The following NBEA variants were observed in gnomAD, a reference collection of about 807,000 sequenced individuals.
NBEA encodes neurobeachin.
A neutral mutation model predicts 343.4 loss-of-function variants in NBEA; 44 were observed. That is an observed-to-expected ratio of 0.13 (90% CI 0.10 to 0.16). The LOEUF (loss-of-function observed/expected upper bound fraction) is 0.16, where lower values mean the gene tolerates loss of function less well. Ranked by LOEUF, NBEA falls within the 10% of genes least tolerant of loss-of-function variation. The pLI, the probability that NBEA is intolerant of heterozygous loss-of-function variation, is 1.00. For synonymous variants in NBEA, 1,175 were observed against 1,238.7 expected, an observed-to-expected ratio of 0.95 and a Z score of 1.08; for missense variants, 2,555 against 3,631.3, an observed-to-expected ratio of 0.70 and a Z score of 7.62.
At chr13:35,606,916 C>T (rs2082303193) in intron 48 of NBEA, among the ~76,000 whole-genome samples, 1 of 152,066 alleles carries the variant, frequency 6.6e-6, no homozygotes, top group Non-Finnish European at 1.5e-5. Context: ...TATCTACTGA[C>T]TAAATCTGAA....
chr13:35,013,180 G>A (rs976640520), intron 1 of NBEA, among the ~76,000 whole-genome samples: 1 of 152,122 alleles, frequency 6.6e-6, no homozygotes, highest in African/African-American at 2.4e-5. Flanking sequence ...CTATTTAGGT[G>A]CTTCTCATAG....
intron 11 of NBEA, among the ~76,000 whole-genome samples, chr13:35,099,198 GTTTTTTTTT>G (rs760866538): frequency 1.8e-5 from 2 of 113,884 alleles, no homozygotes; most frequent in Admixed American, 2.0e-4. Flanking sequence ...CCTGGCTAAA[GTTTTTTTTT>G]TTTTTTTTTG....
intron 38 of NBEA, among the ~76,000 whole-genome samples, chr13:35,429,901 G>A (rs890782398): frequency 2.0e-5 from 3 of 151,094 alleles, no homozygotes; most frequent in Non-Finnish European, 4.4e-5. Context: ...TTTTGCAATT[G>A]CAAATTGTGC....
At chr13:35,449,898 G>T (rs1401370032) in intron 39 of NBEA, among the ~76,000 whole-genome samples, 1 of 151,998 alleles carries the variant, frequency 6.6e-6, no homozygotes, top group African/African-American at 2.4e-5. Flanking sequence ...TACATTTAAG[G>T]TACGCATTAA....
chr13:35,031,708 A>G (rs1284256175), intron 1 of NBEA, among the ~76,000 whole-genome samples: 1 of 151,530 alleles, frequency 6.6e-6, no homozygotes, highest in Admixed American at 6.6e-5. Context: ...AACTCATGTC[A>G]TGGGGGTGTG....
chr13:35,582,588 A>G (rs1322830050), intron 45 of NBEA, among the ~76,000 whole-genome samples: 1 of 152,196 alleles, frequency 6.6e-6, no homozygotes, highest in Non-Finnish European at 1.5e-5. Context: ...AAAAAAGTTT[A>G]GGAACCTTAA....
intron 1 of NBEA, among the ~76,000 whole-genome samples, chr13:35,036,689 G>C (rs1430761380): frequency 6.6e-6 from 1 of 152,000 alleles, no homozygotes; most frequent in East Asian, 1.9e-4. Context: ...AGGGTAAAAG[G>C]ATTTTTCCTT....
rs181559932 is a variant in NBEA, at chr13:35,048,510, A to G, written c.724-53A>G. ...GCAAAAGCCATATTTGACCTTAGCT[A>G]CTATCACATTTCTTTAACTGATACT... On this transcript the variant is annotated intron_variant, in intron 4 of 58. Coordinates refer to ENST00000379939, the MANE Select transcript of NBEA (RefSeq NM_001385012.1). 7.8e-6 allele frequency: 12 copies of G among 1,536,456 alleles called. No individual in the cohort carries two copies. The African/African-American group carries it at 1.2e-4, about 16-fold the overall frequency.
chr13:35,385,281 T>A (rs1356396514), intron 38 of NBEA, among the ~76,000 whole-genome samples: 1 of 152,184 alleles, frequency 6.6e-6, no homozygotes, highest in African/African-American at 2.4e-5. Flanking sequence ...AAATTACAGT[T>A]TTTTATAATT....
At chr13:35,196,359 T>C (rs2072596199) in intron 31 of NBEA, 57 bp downstream of exon 31, 1 of 1,444,066 alleles carries the variant, frequency 6.9e-7, no homozygotes, top group Non-Finnish European at 9.3e-7. Context: ...AATTAGACTT[T>C]GTTAATTTTA....
intron 38 of NBEA, among the ~76,000 whole-genome samples, chr13:35,407,532 A>C (rs77710869): frequency 4.8e-5 from 7 of 146,578 alleles, no homozygotes; most frequent in Non-Finnish European, 1.1e-4. Flanking sequence ...AAAAAAAAAA[A>C]GGCTGTAAGC....
intron 34 of NBEA, among the ~76,000 whole-genome samples, chr13:35,265,804 G>A (rs1189068973): frequency 6.6e-6 from 1 of 151,798 alleles, no homozygotes; most frequent in Non-Finnish European, 1.5e-5. Flanking sequence ...TCCAAGCAAG[G>A]ATTTTTGGAT....
chr13:34,957,496 G>A (rs533212328), intron 1 of NBEA, among the ~76,000 whole-genome samples: 2 of 152,174 alleles, frequency 1.3e-5, no homozygotes, highest in Admixed American at 1.3e-4. Context: ...TGAATATTCA[G>A]CAGTGATTTT....
chr13:35,109,873 GATA>G (rs1405468473), intron 12 of NBEA, among the ~76,000 whole-genome samples: 10 of 151,660 alleles, frequency 6.6e-5, no homozygotes, highest in African/African-American at 2.4e-4. Context: ...ATATTTTCCA[GATA>G]ATAACAGAAA....
At chr13:35,607,891 A>G (rs79756499) in intron 48 of NBEA, among the ~76,000 whole-genome samples, 2,804 of 152,098 alleles carry the variant, frequency 0.018, 83 homozygotes, top group African/African-American at 0.064. Context: ...TGATTTCCCC[A>G]TTCTCCCCAG....
At chr13:35,303,027 T>C (rs2036654217) in intron 35 of NBEA, among the ~76,000 whole-genome samples, 1 of 152,096 alleles carries the variant, frequency 6.6e-6, no homozygotes, top group Admixed American at 6.6e-5. Flanking sequence ...AATAAAAGTA[T>C]TTGATGTCTA....
At chr13:35,479,089 G>A (rs2152964818) in intron 41 of NBEA, among the ~76,000 whole-genome samples, 1 of 152,354 alleles carries the variant, frequency 6.6e-6, no homozygotes, top group Admixed American at 6.5e-5. Context: ...TTTGCACTTT[G>A]AGAAAGAAAA....
Position 35,155,160 on chromosome 13 carries a change from A to G in NBEA, c.2446-614A>G, listed in dbSNP as rs2069079594. Among the ~76,000 whole-genome samples, 3 of 143,674 alleles carry G rather than the reference A, an allele frequency of 2.1e-5. No homozygotes were observed. In the Admixed American group the frequency reaches 2.1e-4, roughly 10 times the overall value. The allele number at this position is 143,674 out of a possible 152,430, so 94.3% of individuals were successfully genotyped here. On this transcript the variant is annotated intron_variant, in intron 18 of 58. Transcript: ENST00000379939. ...AAAAAAAAAAAAAAAAAAAAAAAGT[A>G]GTTCATAAATAATTTTAGGAACACT... is the stretch of plus-strand genomic sequence containing the variant.
chr13:35,125,416 A>G (rs1392118302), intron 17 of NBEA, among the ~76,000 whole-genome samples: 1 of 152,272 alleles, frequency 6.6e-6, no homozygotes, highest in African/African-American at 2.4e-5. Flanking sequence ...TGTTTGAAAT[A>G]ATAGATATAC....
Sources: allele counts gnomAD v4.1 joint callset (sites outside exome capture counted in the v4.1 genomes callset), GRCh38; gene constraint gnomAD v4.1.1; transcripts MANE v1.5; gene names NCBI Gene and HGNC (gene_info 2026-07-23, HGNC 2026-07-21).